DNAH14: variants seen among roughly 807,000 people sequenced by gnomAD.
DNAH14 encodes dynein axonemal heavy chain 14, also known as axonemal beta dynein heavy chain 14.
Under a neutral mutation model 520.9 loss-of-function variants are expected in DNAH14, and 478 were observed. The ratio of observed to expected loss-of-function variants is 0.92; its 90% confidence interval spans 0.85 to 0.99. The LOEUF is 0.99. Among genes scored for constraint, DNAH14 ranks in the 50% least tolerant of loss-of-function variants. The probability of loss-of-function intolerance (pLI) is 0.00; values close to 1 mark genes in which losing one functional copy is unlikely to be tolerated. For synonymous variants in DNAH14, 1,581 were observed against 1,757.2 expected, an observed-to-expected ratio of 0.90 and a Z score of 2.51; for missense variants, 4,831 against 5,234.5, an observed-to-expected ratio of 0.92 and a Z score of 2.38.
chr1:225,134,877 A>G (rs6698942), intron 27 of DNAH14, among the ~76,000 whole-genome samples: 19,117 of 151,896 alleles, frequency 0.13, 3,710 homozygotes, highest in African/African-American at 0.42. Flanking sequence ...TTGGTAGCCT[A>G]TTTATTACTG....
intron 28 of DNAH14, among the ~76,000 whole-genome samples, chr1:225,142,527 A>G (rs2079548251): frequency 1.3e-5 from 2 of 152,236 alleles, no homozygotes; most frequent in African/African-American, 4.8e-5. Context: ...CAAGTATCCC[A>G]TGAAAATCAA....
chr1:225,272,403 TCATAAA>T (rs937897306), intron 51 of DNAH14, among the ~76,000 whole-genome samples: 1 of 152,218 alleles, frequency 6.6e-6, no homozygotes, highest in African/African-American at 2.4e-5. Flanking sequence ...TGTATGCATT[TCATAAA>T]CATGCTTGAA....
At chr1:225,373,245 C>G (rs1042040500) in intron 77 of DNAH14, among the ~76,000 whole-genome samples, 1 of 151,350 alleles carries the variant, frequency 6.6e-6, no homozygotes, top group Admixed American at 6.6e-5. Context: ...AATCCCAGCA[C>G]TTTGGGAGGC....
chr1:225,158,476 A>G (rs781598215), intron 34 of DNAH14, among the ~76,000 whole-genome samples: 11 of 152,142 alleles, frequency 7.2e-5, no homozygotes, highest in Non-Finnish European at 1.6e-4. Flanking sequence ...TCTAATAATA[A>G]CTGGGGCTGT....
At chr1:225,006,521 T>C (rs2064182084) in intron 9 of DNAH14, among the ~76,000 whole-genome samples, 1 of 140,694 alleles carries the variant, frequency 7.1e-6, no homozygotes, top group Non-Finnish European at 1.6e-5. Flanking sequence ...AAATGGCCAC[T>C]CTGGAAGTGT....
rs2091186863 is a variant in DNAH14 at position 225,232,146 on chromosome 1, A to G, written c.6518+995A>G. Among the ~76,000 whole-genome samples, 1 of 152,084 alleles carries G rather than the reference A, an allele frequency of 6.6e-6. No homozygotes were observed. The highest frequency in any genetic ancestry group is 2.1e-4 in the South Asian group (1 of 4,828). On this transcript the variant is annotated intron_variant, in intron 42 of 85. Coordinates refer to ENST00000682510, the MANE Select transcript of DNAH14 (RefSeq NM_001367479.1). The surrounding 1 kb of genome is among the most constrained non-coding windows in gnomAD (Gnocchi z 4.2). ...CTTTAAATAAATGAAATCATCCTGTATGATCTTCTGCCACTTGCATCTTTT... is the reference window on the plus strand; with the variant it reads ...CTTTAAATAAATGAAATCATCCTGTGTGATCTTCTGCCACTTGCATCTTTT...
intron 10 of DNAH14, among the ~76,000 whole-genome samples, chr1:225,020,960 A>G (rs2065640486): frequency 6.6e-6 from 1 of 152,144 alleles, no homozygotes; most frequent in Non-Finnish European, 1.5e-5. Flanking sequence ...CAAAAAGTTA[A>G]TTTACCATGG....
At chr1:225,346,936 A>T (rs2095294553) in intron 71 of DNAH14, among the ~76,000 whole-genome samples, 1 of 152,126 alleles carries the variant, frequency 6.6e-6, no homozygotes, top group African/African-American at 2.4e-5. Flanking sequence ...CAGGAGTTAA[A>T]CCTTCCCCCA....
At chr1:225,016,135 T>G (rs954104793) in intron 10 of DNAH14, among the ~76,000 whole-genome samples, 3 of 152,232 alleles carry the variant, frequency 2.0e-5, no homozygotes, top group African/African-American at 7.2e-5. Context: ...GCTGGATGAA[T>G]ACCTCAAGGG....
At chr1:225,031,920 A>G (rs1289684191) in intron 11 of DNAH14, among the ~76,000 whole-genome samples, 1 of 151,860 alleles carries the variant, frequency 6.6e-6, no homozygotes, top group African/African-American at 2.4e-5. Context: ...AAAACAATCT[A>G]GTATTTCTTT....
chr1:225,276,350 C>T lies in DNAH14; in HGVS notation c.8178+269C>T, dbSNP rs185917274. ...ATTTGATAGGGTATAATTTTAAAGA[C>T]AAGGTACACAACTGAGGTTATAGGA... On this transcript the variant is annotated intron_variant, in intron 53 of 85. Transcript: ENST00000682510. Among the ~76,000 whole-genome samples, 100 of 152,176 alleles carry T rather than the reference C, an allele frequency of 6.6e-4. 2 individuals carry two copies. Among genetic ancestry groups the T allele is most frequent in the Admixed American group, 3.3e-3 (50 of 15,298 alleles).
chr1:224,952,416 A>C (rs1000956444), intron 1 of DNAH14, among the ~76,000 whole-genome samples: 5 of 152,234 alleles, frequency 3.3e-5, no homozygotes, highest in African/African-American at 1.2e-4. Context: ...TTGTATGTAC[A>C]TAAACCAATG....
intron 38 of DNAH14, among the ~76,000 whole-genome samples, chr1:225,198,399 A>T (rs2086422168): frequency 6.6e-6 from 1 of 151,776 alleles, no homozygotes; most frequent in Non-Finnish European, 1.5e-5. Flanking sequence ...TGTATTTTTT[A>T]GTAGAGATGG....
At chr1:225,368,983 G>A (rs1367802421) in intron 77 of DNAH14, among the ~76,000 whole-genome samples, 2 of 152,054 alleles carry the variant, frequency 1.3e-5, no homozygotes, top group Non-Finnish European at 2.9e-5. Flanking sequence ...TCAATCAAAA[G>A]GCAGATAATA....
At chr1:224,962,756 T>C (rs973858723) in intron 4 of DNAH14, among the ~76,000 whole-genome samples, 3 of 152,206 alleles carry the variant, frequency 2.0e-5, no homozygotes, top group Non-Finnish European at 4.4e-5. Flanking sequence ...AAAAATGTTT[T>C]CTTTCCAGCT....
intron 36 of DNAH14, among the ~76,000 whole-genome samples, chr1:225,170,370 G>A (rs958417874): frequency 7.9e-5 from 12 of 152,236 alleles, no homozygotes; most frequent in African/African-American, 2.4e-4. Flanking sequence ...GTATTCAGGA[G>A]ACCCATCTCA....
intron 1 of DNAH14, among the ~76,000 whole-genome samples, chr1:224,943,580 C>T (rs931608478): frequency 4.6e-5 from 7 of 151,976 alleles, no homozygotes; most frequent in South Asian, 2.1e-4. Flanking sequence ...CTTTTAATTG[C>T]GATGTTAGGG....
intron 44 of DNAH14, among the ~76,000 whole-genome samples, chr1:225,253,854 T>C (rs986189124): frequency 2.0e-5 from 3 of 152,128 alleles, no homozygotes; most frequent in Non-Finnish European, 4.4e-5. Context: ...TGTGTGGCAT[T>C]CACTGCCGCT....
At chr1:225,202,211 G>T (rs1265957026) in intron 38 of DNAH14, among the ~76,000 whole-genome samples, 1 of 152,142 alleles carries the variant, frequency 6.6e-6, no homozygotes, top group Admixed American at 6.5e-5. Flanking sequence ...ATCAGCTGTG[G>T]TAGTATGGGG....
Sources: allele counts gnomAD v4.1 joint callset (sites outside exome capture counted in the v4.1 genomes callset), GRCh38; gene constraint gnomAD v4.1.1; non-coding constraint Gnocchi (gnomAD v3.1); transcripts MANE v1.5; gene names NCBI Gene and HGNC (gene_info 2026-07-23, HGNC 2026-07-21).